The following NAV3 variants were observed in gnomAD, a reference collection of about 807,000 sequenced individuals.
The protein encoded by NAV3 is pore membrane and/or filament interacting like protein 1.
Under a neutral mutation model 244.7 loss-of-function variants are expected in NAV3, and 87 were observed. The observed-to-expected ratio is 0.36, with a 90% CI of 0.30 to 0.42. The LOEUF (loss-of-function observed/expected upper bound fraction) is 0.42, where lower values mean the gene tolerates loss of function less well. Among genes scored for constraint, NAV3 ranks in the 20% least tolerant of loss-of-function variants. The probability of loss-of-function intolerance (pLI) is 1.00; values close to 1 mark genes in which losing one functional copy is unlikely to be tolerated. For synonymous variants in NAV3, 1,126 were observed against 1,042.2 expected (o/e 1.08, Z -1.55); for missense variants, 2,663 against 2,893.3 (o/e 0.92, Z 1.83).
intron 5 of NAV3, among the ~76,000 whole-genome samples, chr12:77,980,485 A>G (rs1279213739): frequency 8.5e-5 from 13 of 152,224 alleles, no homozygotes; most frequent in Non-Finnish European, 1.9e-4. Context: ...TTTTATGATG[A>G]CTACAATGCT....
intron 12 of NAV3, among the ~76,000 whole-genome samples, chr12:78,064,103 A>G (rs181318080): frequency 3.3e-5 from 5 of 152,268 alleles, no homozygotes; most frequent in African/African-American, 9.6e-5. Context: ...ATGAGCACCT[A>G]ACTAAAGAAT....
intron 16 of NAV3, 48 bp from the exon 17 acceptor site, chr12:78,127,119 G>A (rs2138806550): frequency 1.3e-6 from 2 of 1,587,746 alleles, no homozygotes; most frequent in Non-Finnish European, 1.7e-6. Flanking sequence ...GTGTAATTTG[G>A]AAGTTTTGTT....
chr12:77,956,263 G>A (rs561638579), intron 3 of NAV3, among the ~76,000 whole-genome samples: 10 of 151,988 alleles, frequency 6.6e-5, no homozygotes, highest in Non-Finnish European at 1.3e-4. Context: ...ATGTAATGGC[G>A]CTAGTATTAC....
At chr12:78,135,755 T>C (rs1956346756) in intron 18 of NAV3, among the ~76,000 whole-genome samples, 1 of 152,208 alleles carries the variant, frequency 6.6e-6, no homozygotes, top group Admixed American at 6.5e-5. Flanking sequence ...ATGGTACTAA[T>C]GGTCACTGCA....
At chr12:78,160,489 C>G (rs936966089) in intron 23 of NAV3, among the ~76,000 whole-genome samples, 18 of 151,668 alleles carry the variant, frequency 1.2e-4, no homozygotes, top group Non-Finnish European at 1.9e-4. Flanking sequence ...CTCAAAGAGA[C>G]CCATTATATC....
chr12:77,624,602 A>C (rs1369645419), intron 2 of NAV3, among the ~76,000 whole-genome samples: 1 of 152,114 alleles, frequency 6.6e-6, no homozygotes, highest in Non-Finnish European at 1.5e-5. Flanking sequence ...GAAGGTATGA[A>C]GTGGCTGTTG....
At chr12:77,613,119 G>A (rs1302613045) in intron 2 of NAV3, among the ~76,000 whole-genome samples, 2 of 152,180 alleles carry the variant, frequency 1.3e-5, no homozygotes, top group South Asian at 2.1e-4. Flanking sequence ...GCATGAGAAC[G>A]AAATGAAACA....
At chr12:78,086,116 T>C (rs1953623422) in intron 12 of NAV3, among the ~76,000 whole-genome samples, 1 of 152,110 alleles carries the variant, frequency 6.6e-6, no homozygotes, top group African/African-American at 2.4e-5. Flanking sequence ...CGTTTACCCG[T>C]GCAGGATTGT....
intron 2 of NAV3, among the ~76,000 whole-genome samples, chr12:77,800,109 C>T (rs556241056): frequency 1.3e-5 from 2 of 152,234 alleles, no homozygotes; most frequent in Admixed American, 6.5e-5. Context: ...ATAGTCTCAT[C>T]CTGTCATGGA....
At position 77,907,002 on chromosome 12, in the gene NAV3, G is replaced by A. The variant is rs554537167; in HGVS notation, c.244-33317G>A. 9.1e-4 allele frequency among the ~76,000 whole-genome samples: 139 copies of A among 152,178 alleles called. 1 individual carries two copies. Among genetic ancestry groups the A allele is most frequent in the South Asian group, 5.0e-3 (24 of 4,824 alleles). The stretch of plus-strand genomic sequence containing the variant: ...TCTATATGGCTTCAGTGCCCTTCAA[G>A]CAGCCCTCCCAGACTCCATTATCTC... On this transcript the variant is annotated intron_variant, in intron 1 of 39. Coordinates refer to ENST00000397909, the MANE Select transcript of NAV3 (RefSeq NM_001024383.2).
At chr12:78,118,341 T>A (rs1566159235) in intron 14 of NAV3, 44 bp downstream of exon 14, 2 of 1,545,390 alleles carry the variant, frequency 1.3e-6, no homozygotes, top group Middle Eastern at 3.5e-4. Flanking sequence ...GTGCTTTACT[T>A]TATTGTTTCC....
intron 7 of NAV3, among the ~76,000 whole-genome samples, chr12:78,000,379 CTT>C (rs1003129888): frequency 5.3e-5 from 8 of 151,876 alleles, no homozygotes; most frequent in African/African-American, 1.9e-4. Flanking sequence ...GGAGTTAAAA[CTT>C]TATGTCAATA....
At chr12:78,049,584 G>A (rs1185217263) in intron 9 of NAV3, among the ~76,000 whole-genome samples, 1 of 152,132 alleles carries the variant, frequency 6.6e-6, no homozygotes, top group Non-Finnish European at 1.5e-5. Flanking sequence ...TACCTCAGTT[G>A]GAAATGCAGA....
chr12:77,853,125 C>T (rs887250927), intron 1 of NAV3, among the ~76,000 whole-genome samples: 6 of 152,226 alleles, frequency 3.9e-5, no homozygotes, highest in African/African-American at 1.4e-4. Context: ...AGTTGCTCCA[C>T]ATCTCTGCCC....
At chr12:77,648,584 C>T (rs774304412) in intron 2 of NAV3, among the ~76,000 whole-genome samples, 1 of 152,072 alleles carries the variant, frequency 6.6e-6, no homozygotes, top group Non-Finnish European at 1.5e-5. Flanking sequence ...GAAGAGCTAT[C>T]CTGAACTCCA....
At position 78,049,999 on chromosome 12, in the gene NAV3, A is replaced by C; in HGVS notation, c.2030A>C (p.Asp677Ala). ...KQCLEEISGE[D>A]PETRRMRTVK... Reference sequence around the variant, plus strand: ...TATCATATTGCTTTCCTAGGTGAAGACCCTGAAACAAGAAGAATGAGAACA... The same window carrying C: ...TATCATATTGCTTTCCTAGGTGAAGCCCCTGAAACAAGAAGAATGAGAACA... The change falls in exon 10 of 40, where the codon GAC becomes GCC. Residue 677 changes from aspartate to alanine, a missense_variant. Physicochemically the swap from Asp to Ala is moderately radical, Grantham distance 126 (BLOSUM62 -2). Coordinates refer to ENST00000397909, the MANE Select transcript of NAV3 (RefSeq NM_001024383.2). 1 of 1,607,006 alleles carries C rather than the reference A, an allele frequency of 6.2e-7. No individual in the cohort carries two copies. The highest frequency in any genetic ancestry group is 8.5e-7 in the Non-Finnish European group (1 of 1,177,672).
chr12:78,186,990 C>T (rs1958750395), intron 31 of NAV3, among the ~76,000 whole-genome samples: 1 of 151,838 alleles, frequency 6.6e-6, no homozygotes, highest in African/African-American at 2.4e-5. Flanking sequence ...AAAGTCCCAC[C>T]ATTATGATTT....
At chr12:77,737,123 G>A (rs1478746116) in intron 2 of NAV3, among the ~76,000 whole-genome samples, 1 of 146,564 alleles carries the variant, frequency 6.8e-6, no homozygotes, top group African/African-American at 2.7e-5. Flanking sequence ...GAGGCAGAGG[G>A]GAAACATTTA....
chr12:78,180,414 AT>A (rs1958450637), intron 29 of NAV3, among the ~76,000 whole-genome samples: 1 of 152,018 alleles, frequency 6.6e-6, no homozygotes, highest in African/African-American at 2.4e-5. Flanking sequence ...GTTAGATATG[AT>A]TTTGGAGTAA....
Sources: allele counts gnomAD v4.1 joint callset (sites outside exome capture counted in the v4.1 genomes callset), GRCh38; gene constraint gnomAD v4.1.1; transcripts MANE v1.5; gene names NCBI Gene and HGNC (gene_info 2026-07-23, HGNC 2026-07-21).